CACNA1B: variants seen among roughly 807,000 people sequenced by gnomAD.
CACNA1B encodes the protein calcium voltage-gated channel subunit alpha1 B.
Under a neutral mutation model 247.2 loss-of-function variants are expected in CACNA1B, and 70 were observed. That is an observed-to-expected ratio of 0.28 (90% CI 0.23 to 0.35). The LOEUF is 0.35. CACNA1B is among the 10% of genes least tolerant of loss of function. The probability of loss-of-function intolerance (pLI) is 1.00; values close to 1 mark genes in which losing one functional copy is unlikely to be tolerated. For synonymous variants in CACNA1B, 1,231 were observed against 1,294.4 expected (o/e 0.95, Z 1.05); for missense variants, 2,367 against 3,197.4 (o/e 0.74, Z 6.26).
chr9:138,042,393 G>T (rs937400691), intron 20 of CACNA1B, among the ~76,000 whole-genome samples: 2 of 152,140 alleles, frequency 1.3e-5, no homozygotes, highest in Non-Finnish European at 2.9e-5. Flanking sequence ...GAGGTTGCAG[G>T]ATGGTACCAC....
At position 138,121,142 on chromosome 9, in the gene CACNA1B, C is replaced by G. The variant is rs1962079806; in HGVS notation, c.6489+261C>G. On this transcript the variant is annotated intron_variant, in intron 46 of 46. Transcript: ENST00000371372. The surrounding 1 kb of genome is among the most constrained non-coding windows in gnomAD (Gnocchi z 6.8). ...CCTATCCACTTTCGGACCTGGGCCC[C>G]CAAATACTTACCTCTCTCTCGGTCA... Among the ~76,000 whole-genome samples, 1 of 152,142 alleles carries G rather than the reference C, an allele frequency of 6.6e-6. No individual in the cohort carries two copies. Among genetic ancestry groups the G allele is most frequent in the South Asian group, 2.1e-4 (1 of 4,832 alleles).
At chr9:138,013,505 C>T (rs567443058) in intron 18 of CACNA1B, among the ~76,000 whole-genome samples, 2 of 152,284 alleles carry the variant, frequency 1.3e-5, no homozygotes, top group Non-Finnish European at 2.9e-5. Context: ...CCTGGATAGC[C>T]TCAGGGTGGC....
intron 36 of CACNA1B, 130 bp from the exon 37 acceptor site, chr9:138,096,354 C>A: frequency 1.4e-6 from 1 of 718,922 alleles, no homozygotes. Flanking sequence ...GCAGATCGGG[C>A]ATGTGCTGGT....
intron 20 of CACNA1B, among the ~76,000 whole-genome samples, chr9:138,036,651 CTA>C (rs1227417441): frequency 6.6e-6 from 1 of 152,008 alleles, no homozygotes; most frequent in Non-Finnish European, 1.5e-5. Flanking sequence ...ATTTTTTTTC[CTA>C]TGTATGACTG....
chr9:137,998,994 A>G (rs1401553777), intron 15 of CACNA1B, among the ~76,000 whole-genome samples: 1 of 152,204 alleles, frequency 6.6e-6, no homozygotes, highest in Non-Finnish European at 1.5e-5. Flanking sequence ...TAGGTCACTC[A>G]GGAAACTTCA....
In CACNA1B at chr9:138,059,035, G is replaced by T; in HGVS notation, c.4474-44G>T. The T allele has an allele frequency of 2.5e-6, 3 of 1,209,782 alleles. No homozygotes were observed. Among genetic ancestry groups the T allele is most frequent in the South Asian group, 1.3e-5 (1 of 79,928 alleles). 74.9% of individuals were successfully genotyped at this position (1,209,782 alleles called of 1,614,324 possible). A position where few individuals can be genotyped will look rare whatever the true frequency, so the allele number is the denominator to read the frequency against. On this transcript the variant is annotated intron_variant, in intron 29 of 46. Transcript: ENST00000371372. The surrounding 1 kb of genome is among the most constrained non-coding windows in gnomAD (Gnocchi z 4.2). Reference sequence around the variant, plus strand: ...ATAGTGGTCCCAGATGGGGTGTCTTGGGGCTGCCAAACCCATGGCCAACAG... The same window carrying T: ...ATAGTGGTCCCAGATGGGGTGTCTTTGGGCTGCCAAACCCATGGCCAACAG...
At chr9:137,989,435 G>A (rs932540191) in intron 15 of CACNA1B, among the ~76,000 whole-genome samples, 6 of 152,148 alleles carry the variant, frequency 3.9e-5, no homozygotes, top group Non-Finnish European at 1.5e-5. Context: ...GAAAGAGAGG[G>A]TGGCCAGTGC....
intron 6 of CACNA1B, among the ~76,000 whole-genome samples, chr9:137,947,755 T>C (rs756304974): frequency 9.9e-5 from 15 of 152,114 alleles, no homozygotes; most frequent in Non-Finnish European, 2.1e-4. Flanking sequence ...CTGAAAAATA[T>C]TATGCCACTT....
intron 37 of CACNA1B, chr9:138,101,247 C>T (rs370132560): frequency 2.6e-5 from 13 of 499,760 alleles, no homozygotes; most frequent in Admixed American, 6.6e-5. Flanking sequence ...CTGCCCGAAA[C>T]GCACACAGCA....
In CACNA1B at chr9:138,043,756, GGC is replaced by G. The variant is rs1564255082; in HGVS notation, c.3287-17_3287-16del. ...ATGTGCACTACACCCCTTACTCGGG[GGC>G]CCTGTGTCCTTGTAGGTGGTAACGT... On this transcript the variant is annotated splice_polypyrimidine_tract_variant and intron_variant, in intron 20 of 46. Transcript: ENST00000371372. The G allele has an allele frequency of 1.9e-6, 3 of 1,613,858 alleles. No individual in the cohort carries two copies. Among genetic ancestry groups the G allele is most frequent in the Non-Finnish European group, 2.5e-6 (3 of 1,179,826 alleles).
intron 6 of CACNA1B, among the ~76,000 whole-genome samples, chr9:137,924,828 G>A (rs747026510): frequency 4.6e-5 from 7 of 152,218 alleles, no homozygotes; most frequent in Non-Finnish European, 7.3e-5. Flanking sequence ...AGAAACTGGT[G>A]TTCTAGTACT....
At chr9:137,962,296 GTCTA>G (rs924467998) in intron 10 of CACNA1B, among the ~76,000 whole-genome samples, 21 of 144,834 alleles carry the variant, frequency 1.4e-4, no homozygotes, top group Non-Finnish European at 2.3e-4. Context: ...CTAGCTAGTG[GTCTA>G]TCTATTTTAT....
chr9:138,071,614 G>T (rs549889038), intron 32 of CACNA1B, among the ~76,000 whole-genome samples: 1 of 152,200 alleles, frequency 6.6e-6, no homozygotes, highest in Non-Finnish European at 1.5e-5. Context: ...CAGGAGGAAG[G>T]GGGGAGTGTG....
intron 6 of CACNA1B, among the ~76,000 whole-genome samples, chr9:137,949,976 CAAGT>C (rs1248507617): frequency 6.6e-6 from 1 of 152,176 alleles, no homozygotes; most frequent in African/African-American, 2.4e-5. Context: ...CTTAGTATGA[CAAGT>C]GAGTTTCAGT....
Position 138,102,855 on chromosome 9 carries a change from G to C in CACNA1B, c.5319+48G>C. ...GCCCCCCAGGAGGCTGTGTGTGCTT[G>C]CTGAGGGGTGCTTGCTGGCTCTCCC... On this transcript the variant is annotated intron_variant, in intron 38 of 46. Transcript: ENST00000371372. This position sits in a 1 kb window ranked among gnomAD's most constrained non-coding sequence, Gnocchi z 5.4. 1 of 1,179,650 alleles carries C rather than the reference G, an allele frequency of 8.5e-7. No homozygotes were observed. 73.1% of individuals were successfully genotyped at this position (1,179,650 alleles called of 1,614,324 possible). A position where few individuals can be genotyped will look rare whatever the true frequency, so the allele number is the denominator to read the frequency against.
chr9:137,924,516 C>T (rs182429226), intron 6 of CACNA1B, among the ~76,000 whole-genome samples: 1 of 152,300 alleles, frequency 6.6e-6, no homozygotes, highest in East Asian at 1.9e-4. Context: ...TTCAGGTCCA[C>T]GTGTCTTTCT....
intron 6 of CACNA1B, among the ~76,000 whole-genome samples, chr9:137,928,282 G>A (rs570185320): frequency 2.0e-5 from 3 of 152,250 alleles, no homozygotes; most frequent in Non-Finnish European, 2.9e-5. Flanking sequence ...TATTTTAGTA[G>A]AGACAGTGTT....
rs114865411 is a variant in CACNA1B, at chr9:138,101,492, G to T, written c.5223-1219G>T. On this transcript the variant is annotated intron_variant, in intron 37 of 46. Coordinates refer to ENST00000371372, the MANE Select transcript of CACNA1B (RefSeq NM_000718.4). ...CCTGCATCAAGGAAGCAGCCGACTT[G>T]CCCGGTTTTTCCTCCGAGCTCTCGA... Among the ~76,000 whole-genome samples, 366 of 152,374 alleles carry T rather than the reference G, an allele frequency of 2.4e-3. 3 individuals are homozygous for T. The highest frequency in any genetic ancestry group is 0.01 in the Middle Eastern group (3 of 294).
chr9:137,932,103 G>C (rs1369971767), intron 6 of CACNA1B, among the ~76,000 whole-genome samples: 1 of 152,200 alleles, frequency 6.6e-6, no homozygotes, highest in Non-Finnish European at 1.5e-5. Context: ...ATTCTGTAAA[G>C]TGACTGCTGC....
Sources: allele counts gnomAD v4.1 joint callset (sites outside exome capture counted in the v4.1 genomes callset), GRCh38; gene constraint gnomAD v4.1.1; non-coding constraint Gnocchi (gnomAD v3.1); transcripts MANE v1.5; gene names NCBI Gene and HGNC (gene_info 2026-07-23, HGNC 2026-07-21).